The following ST6GAL2 variants were observed in gnomAD, a reference collection of about 807,000 sequenced individuals.
ST6GAL2 encodes beta-galactoside alpha-2,6-sialyltransferase 2.
ST6GAL2 carries 24 observed loss-of-function variants against 37.5 expected under a neutral mutation model. That is an observed-to-expected ratio of 0.64 (90% CI 0.46 to 0.90). The LOEUF (loss-of-function observed/expected upper bound fraction) is 0.90. ST6GAL2 is among the 40% of genes least tolerant of loss of function. The pLI is 0.00. For missense variants in ST6GAL2, 715 were observed against 712.7 expected, an observed-to-expected ratio of 1.00 and a Z score of -0.04; for synonymous variants, 306 against 295.1, an observed-to-expected ratio of 1.04 and a Z score of -0.38.
chr2:106,875,380 G>A (rs1459429644), intron 1 of ST6GAL2, among the ~76,000 whole-genome samples: 2 of 152,100 alleles, frequency 1.3e-5, no homozygotes, highest in African/African-American at 2.4e-5. Context: ...GTTTCGCCAT[G>A]TTGCCCAGGC....
At chr2:106,830,575 G>A (rs182438860) in intron 4 of ST6GAL2, among the ~76,000 whole-genome samples, 2 of 152,298 alleles carry the variant, frequency 1.3e-5, no homozygotes, top group East Asian at 1.9e-4. Context: ...TCTACTCAAC[G>A]GTACCATCGT....
chr2:106,872,096 A>C (rs1209574580), intron 1 of ST6GAL2, among the ~76,000 whole-genome samples: 1 of 152,230 alleles, frequency 6.6e-6, no homozygotes, highest in Non-Finnish European at 1.5e-5. Context: ...ACCTTACAAC[A>C]GCTACAAGTC....
rs1675292236 is a variant in ST6GAL2 at position 106,802,575 on chromosome 2, A to G, written c.*4103T>C. On this transcript the variant is annotated 3_prime_UTR_variant, in exon 6 of 6. Coordinates refer to ENST00000409382, the MANE Select transcript of ST6GAL2 (RefSeq NM_001142351.2). ...TAATGCCCATGTGACAGAAACATGC[A>G]TAATAATCTCATAAGAGAATATCCA... The G allele has an allele frequency of 6.6e-6, 1 of 152,226 alleles. No individual in the cohort carries two copies. The highest frequency in any genetic ancestry group is 2.4e-5 in the African/African-American group (1 of 41,462). The allele number at this position is 152,226 out of a possible 1,614,324, so 9.4% of individuals were successfully genotyped here. A position where few individuals can be genotyped will look rare whatever the true frequency, so the allele number is the denominator to read the frequency against.
rs542581417 is a variant in ST6GAL2, at chr2:106,817,414, T to C, written c.1319-10465A>G. On this transcript the variant is annotated intron_variant, in intron 5 of 5. Coordinates refer to ENST00000409382, the MANE Select transcript of ST6GAL2 (RefSeq NM_001142351.2). ...TAGGATAGGGCACCAGATAGAGTCC[T>C]GAGGCCCCCATTCCAGGCCCTAGCT... is the stretch of plus-strand genomic sequence containing the variant. 9.4e-4 allele frequency among the ~76,000 whole-genome samples: 143 copies of C among 152,350 alleles called. No homozygotes were observed. The Middle Eastern group carries it at 0.014, about 14-fold the overall frequency.
chr2:106,876,485 A>T (rs946128932), intron 1 of ST6GAL2, among the ~76,000 whole-genome samples: 2 of 152,194 alleles, frequency 1.3e-5, no homozygotes, highest in Non-Finnish European at 2.9e-5. Context: ...CTTATTTTTT[A>T]AAAAAGATAA....
intron 1 of ST6GAL2, among the ~76,000 whole-genome samples, chr2:106,856,809 A>G (rs907906395): frequency 6.6e-6 from 1 of 152,182 alleles, no homozygotes; most frequent in Admixed American, 6.5e-5. Flanking sequence ...GTTGAAAATA[A>G]CCAAGAAAAA....
rs190009116 is a variant in ST6GAL2 at position 106,846,908 on chromosome 2, T to C, written c.-57-2874A>G. Among the ~76,000 whole-genome samples the C allele has an allele frequency of 2.4e-4, 36 of 152,306 alleles. No homozygotes were observed. The South Asian group carries it at 6.2e-3, about 26-fold the overall frequency. ...ATAGGAAATACTGTCATATCCATTT[T>C]CTAGATGAGGGAACTGAGTCCCAGA... On this transcript the variant is annotated intron_variant, in intron 1 of 5. Transcript: ENST00000409382.
chr2:106,803,392 T>C lies in ST6GAL2; in HGVS notation c.*3286A>G, dbSNP rs893465748. ...CCTGATGCTTACATGCAACTTTTAA[T>C]TGACCATCCCTTGGTCCTGAGCACA... On this transcript the variant is annotated 3_prime_UTR_variant, in exon 6 of 6. Transcript: ENST00000409382. The C allele has an allele frequency of 1.3e-5, 2 of 152,184 alleles. No individual in the cohort carries two copies. The highest frequency in any genetic ancestry group is 4.8e-5 in the African/African-American group (2 of 41,452). The allele number at this position is 152,184 out of a possible 1,614,324, so 9.4% of individuals were successfully genotyped here. A position where few individuals can be genotyped will look rare whatever the true frequency, so the allele number is the denominator to read the frequency against.
At chr2:106,815,682 T>C (rs1181299742) in intron 5 of ST6GAL2, among the ~76,000 whole-genome samples, 2 of 152,228 alleles carry the variant, frequency 1.3e-5, no homozygotes, top group African/African-American at 2.4e-5. Flanking sequence ...GTACTATCAG[T>C]ATCTTCATTT....
Position 106,806,742 on chromosome 2 carries a change from A to C in ST6GAL2, c.1526T>G (p.Val509Gly). 1 of 1,614,120 alleles carries C rather than the reference A, an allele frequency of 6.2e-7. No homozygotes were observed. Among genetic ancestry groups the C allele is most frequent in the Non-Finnish European group, 8.5e-7 (1 of 1,180,030 alleles). The change falls in exon 6 of 6, where the codon GTG (valine) becomes GGG (glycine). Residue 509 changes from valine to glycine, a missense_variant. By Grantham distance (109) the Val-to-Gly change is moderately radical. Coordinates refer to ENST00000409382, the MANE Select transcript of ST6GAL2 (RefSeq NM_001142351.2). ...TQGDLHRKGKVVLPGFQAVHC... is the reference protein window; with the variant it reads ...TQGDLHRKGKGVLPGFQAVHC... ...CACCGCCTGGAAGCCGGGAAGAACC[A>C]CCTTGCCCTTGCGATGCAAATCCCC... is the stretch of plus-strand genomic sequence containing the variant.
chr2:106,808,436 T>C (rs1675496551), intron 5 of ST6GAL2, among the ~76,000 whole-genome samples: 1 of 152,188 alleles, frequency 6.6e-6, no homozygotes, highest in South Asian at 2.1e-4. Context: ...TTCTATGCAG[T>C]CAAGTTGCTC....
chr2:106,830,959 T>A (rs1186087566), intron 4 of ST6GAL2, among the ~76,000 whole-genome samples: 3 of 152,086 alleles, frequency 2.0e-5, no homozygotes, highest in African/African-American at 7.2e-5. Context: ...GTATGAAAAA[T>A]CAATAAAGAT....
Position 106,830,093 on chromosome 2 carries a change from G to A in ST6GAL2, c.1291C>T (p.Pro431Ser). 2.5e-6 allele frequency: 4 copies of A among 1,614,024 alleles called. No individual in the cohort carries two copies. Among genetic ancestry groups the A allele is most frequent in the Non-Finnish European group, 3.4e-6 (4 of 1,179,982 alleles). The change falls in exon 5 of 6, where the codon CCA (proline) becomes TCA (serine). Residue 431 changes from proline to serine, a missense_variant. Coordinates refer to ENST00000409382, the MANE Select transcript of ST6GAL2 (RefSeq NM_001142351.2). ...ATGAAACCAGAAGATGGTGGGTTTG[G>A]TTGAATCTTCTCTTTAGTGTTCTCC... ...IQENTKEKIQ[P>S]NPPSSGFIGI...
At position 106,824,071 on chromosome 2, in the gene ST6GAL2, G is replaced by A. The variant is rs76564477; in HGVS notation, c.1318+5995C>T. Among the ~76,000 whole-genome samples, 940 of 152,256 alleles carry A rather than the reference G, an allele frequency of 6.2e-3. 5 individuals carry two copies. Among genetic ancestry groups the A allele is most frequent in the African/African-American group, 0.022 (913 of 41,550 alleles). On this transcript the variant is annotated intron_variant, in intron 5 of 5. Coordinates refer to ENST00000409382, the MANE Select transcript of ST6GAL2 (RefSeq NM_001142351.2). Reference sequence around the variant, plus strand: ...AATGTTAGTGAGAGAATGCCTTCCTGCAATCAATGACAGTTGGAACTTTGC... The same window carrying A: ...AATGTTAGTGAGAGAATGCCTTCCTACAATCAATGACAGTTGGAACTTTGC...
upstream of ST6GAL2, among the ~76,000 whole-genome samples, chr2:106,887,266 A>C (rs552923305): frequency 1.3e-5 from 2 of 152,162 alleles, no homozygotes; most frequent in Non-Finnish European, 2.9e-5. Context: ...TCGCTCAACC[A>C]GGCTCCGCAC....
At chr2:106,834,443 G>A in intron 2 of ST6GAL2, 1 of 261,062 alleles carries the variant, frequency 3.8e-6, no homozygotes, top group Non-Finnish European at 7.3e-6. Flanking sequence ...CAAGTGACAT[G>A]CTTGATGCAG....
chr2:106,875,730 T>C (rs1361353141), intron 1 of ST6GAL2, among the ~76,000 whole-genome samples: 3 of 152,232 alleles, frequency 2.0e-5, no homozygotes, highest in Non-Finnish European at 4.4e-5. Context: ...GATGAGCTAG[T>C]TCTTTAAAAC....
At chr2:106,829,954 G>T in intron 5 of ST6GAL2, 112 bp downstream of exon 5, 1 of 997,182 alleles carries the variant, frequency 1.0e-6, no homozygotes, top group Non-Finnish European at 1.5e-6. Context: ...TCTGGTTCCA[G>T]GCATTTCAGA....
At chr2:106,839,074 C>A (rs888994372) in intron 2 of ST6GAL2, among the ~76,000 whole-genome samples, 5 of 151,986 alleles carry the variant, frequency 3.3e-5, no homozygotes, top group African/African-American at 1.2e-4. Flanking sequence ...AAAACAAGAG[C>A]ATTTTGAACA....
Sources: gnomAD v4.1 joint callset for allele counts (sites outside exome capture counted in the v4.1 genomes callset) on GRCh38, gnomAD v4.1.1 for gene constraint, MANE v1.5 for transcripts, NCBI Gene and HGNC (gene_info 2026-07-23, HGNC 2026-07-21) for gene names.